The following FAAH2 variants were observed in gnomAD, a reference collection of about 807,000 sequenced individuals.
The protein encoded by FAAH2 is fatty acid amide hydrolase 2.
In FAAH2, 60 loss-of-function variants were observed where a neutral mutation model predicts 36.9. The observed-to-expected ratio is 1.63, with a 90% CI of 1.32 to 2.02. The LOEUF (loss-of-function observed/expected upper bound fraction) is 2.02. Ranked by LOEUF, FAAH2 falls within the 30% of genes most tolerant of loss-of-function variation. FAAH2 has a pLI of 0.00. For synonymous variants in FAAH2, 214 were observed against 143.8 expected (o/e 1.49, Z -3.49); for missense variants, 689 against 397.5 (o/e 1.73, Z -6.23).
chrX:57,383,123 A>G (rs1026902070), intron 7 of FAAH2, among the ~76,000 whole-genome samples: 11 of 112,208 alleles, frequency 9.8e-5, no homozygotes, highest in Non-Finnish European at 2.1e-4. Flanking sequence ...ACAAAATTTA[A>G]CAACACTTCA....
At chrX:57,439,600 G>C (rs2056501749) in intron 8 of FAAH2, among the ~76,000 whole-genome samples, 1 of 111,576 alleles carries the variant, frequency 9.0e-6, no homozygotes, top group Non-Finnish European at 1.9e-5. Flanking sequence ...AAGCTCTTTA[G>C]TTTAATTAGA....
At chrX:57,289,398 T>C (rs1226760247) in intron 1 of FAAH2, among the ~76,000 whole-genome samples, 2 of 111,210 alleles carry the variant, frequency 1.8e-5, no homozygotes, top group Non-Finnish European at 3.8e-5. Context: ...CAGCCTCAGT[T>C]GGTATCCAAG....
At chrX:57,156,588 C>A in the FAAH2 span, among the ~76,000 whole-genome samples, 6 of 112,167 alleles carry the variant, frequency 5.3e-5, no homozygotes, top group Middle Eastern at 4.2e-3. Flanking sequence ...GTGACTGTAG[C>A]GATTTCAGCA....
chrX:57,243,384 G>T, the FAAH2 span, among the ~76,000 whole-genome samples: 1 of 112,340 alleles, frequency 8.9e-6, no homozygotes, highest in African/African-American at 3.2e-5. Context: ...TCCCAGCACA[G>T]CACTCGAGCT....
chrX:57,340,544 A>G (rs1355414705), intron 4 of FAAH2, among the ~76,000 whole-genome samples: 1 of 112,064 alleles, frequency 8.9e-6, no homozygotes, highest in Non-Finnish European at 1.9e-5. Context: ...ATCAACCCAA[A>G]TGCCCATCAA....
chrX:57,471,458 A>G (rs183682199), intron 10 of FAAH2, among the ~76,000 whole-genome samples: 1 of 111,944 alleles, frequency 8.9e-6, no homozygotes, highest in East Asian at 2.8e-4. Context: ...CATAACAGAT[A>G]GAGAACCAAA....
chrX:57,195,334 G>T, the FAAH2 span, among the ~76,000 whole-genome samples: 2 of 111,238 alleles, frequency 1.8e-5, no homozygotes, highest in Non-Finnish European at 3.8e-5. Context: ...TTGTGGTTTT[G>T]GTTTTCATTT....
intron 7 of FAAH2, among the ~76,000 whole-genome samples, chrX:57,418,464 C>A (rs981018484): frequency 4.5e-5 from 5 of 111,099 alleles, no homozygotes; most frequent in Non-Finnish European, 5.7e-5. Context: ...TCCCTTATGG[C>A]TTCCCTTGGC....
At chrX:57,137,077 A>C in the FAAH2 span, 6 of 780,716 alleles carry the variant, frequency 7.7e-6, no homozygotes, top group Admixed American at 7.6e-5. Flanking sequence ...TCCTATTCCT[A>C]CCCCCTTTCC....
At chrX:57,370,617 C>T (rs1196941329) in intron 5 of FAAH2, among the ~76,000 whole-genome samples, 1 of 111,607 alleles carries the variant, frequency 9.0e-6, no homozygotes, top group Admixed American at 9.5e-5. Context: ...ACCAGGGGTC[C>T]CCAACCCCCA....
chrX:57,204,353 A>G, the FAAH2 span, among the ~76,000 whole-genome samples: 1 of 111,590 alleles, frequency 9.0e-6, no homozygotes. Context: ...AGGTTGATAA[A>G]TATACCCAAT....
the FAAH2 span, chrX:57,137,212 G>A: frequency 6.1e-5 from 46 of 758,271 alleles, no homozygotes; most frequent in Non-Finnish European, 6.5e-5. Flanking sequence ...TGCCCTGCCT[G>A]GCGTCCACCG....
At chrX:57,463,432 A>G (rs1478973740) in intron 10 of FAAH2, among the ~76,000 whole-genome samples, 1 of 111,587 alleles carries the variant, frequency 9.0e-6, no homozygotes, top group East Asian at 2.8e-4. Flanking sequence ...CAGTAACCAA[A>G]ACACCATAGT....
the FAAH2 span, among the ~76,000 whole-genome samples, chrX:57,242,943 G>C: frequency 8.9e-6 from 1 of 112,035 alleles, no homozygotes; most frequent in Admixed American, 9.4e-5. Context: ...GCTGAAGCCA[G>C]AGAGACAAGT....
chrX:57,245,842 C>A, the FAAH2 span, among the ~76,000 whole-genome samples: 1 of 111,213 alleles, frequency 9.0e-6, no homozygotes, highest in African/African-American at 3.3e-5. Context: ...CAAACAAATT[C>A]CAAAGCTATC....
intron 8 of FAAH2, among the ~76,000 whole-genome samples, chrX:57,443,011 A>G (rs2056597148): frequency 8.9e-6 from 1 of 111,836 alleles, no homozygotes; most frequent in Admixed American, 9.5e-5. Flanking sequence ...CTTTGTGGGT[A>G]ACCCGACCTT....
the FAAH2 span, among the ~76,000 whole-genome samples, chrX:57,277,002 AG>A: frequency 0.019 from 2,172 of 111,929 alleles, 21 homozygotes; most frequent in Non-Finnish European, 0.033. Flanking sequence ...AGGTACAAAG[AG>A]GAGCTGGTAC....
chrX:57,389,404 C>T (rs776409811), intron 7 of FAAH2, among the ~76,000 whole-genome samples: 2 of 107,024 alleles, frequency 1.9e-5, no homozygotes, highest in Admixed American at 2.0e-4. Context: ...TTCCTGGCAA[C>T]TACGATTCTA....
chrX:57,220,648 C>T, the FAAH2 span, among the ~76,000 whole-genome samples: 7 of 112,122 alleles, frequency 6.2e-5, no homozygotes, highest in African/African-American at 1.3e-4. Context: ...CATCAGGGGC[C>T]CTGCAGGCCC....
Sources: allele counts gnomAD v4.1 joint callset (sites outside exome capture counted in the v4.1 genomes callset), GRCh38; gene constraint gnomAD v4.1.1; transcripts MANE v1.5; gene names NCBI Gene and HGNC (gene_info 2026-07-23, HGNC 2026-07-21).